DGKB: variants seen among roughly 807,000 people sequenced by gnomAD.
The protein encoded by DGKB is diacylglycerol kinase beta.
Under a neutral mutation model 114.3 loss-of-function variants are expected in DGKB, and 67 were observed. The ratio of observed to expected loss-of-function variants is 0.59; its 90% CI spans 0.48 to 0.72. DGKB has a LOEUF of 0.72. Among genes scored for constraint, DGKB ranks in the 30% least tolerant of loss-of-function variants. The probability of loss-of-function intolerance (pLI) is 0.00; values close to 1 mark genes in which losing one functional copy is unlikely to be tolerated. For missense variants in DGKB, 907 were observed against 975.2 expected, an observed-to-expected ratio of 0.93 and a Z score of 0.93; for synonymous variants, 398 against 323.1, an observed-to-expected ratio of 1.23 and a Z score of -2.49.
At chr7:14,343,304 G>T (rs1382874300) in intron 22 of DGKB, among the ~76,000 whole-genome samples, 1 of 151,628 alleles carries the variant, frequency 6.6e-6, no homozygotes, top group Non-Finnish European at 1.5e-5. Flanking sequence ...AGAGCTAGAA[G>T]GTCAGGCTGA....
chr7:14,196,830 G>A (rs1465075736), intron 23 of DGKB, among the ~76,000 whole-genome samples: 1 of 151,922 alleles, frequency 6.6e-6, no homozygotes, highest in African/African-American at 2.4e-5. Flanking sequence ...ATATAGACAT[G>A]TTGAAGGACT....
At chr7:14,427,302 C>CT (rs1459303235) in intron 21 of DGKB, among the ~76,000 whole-genome samples, 2 of 152,084 alleles carry the variant, frequency 1.3e-5, no homozygotes. Context: ...CCAACAAGTT[C>CT]TTCATCTCCA....
intron 4 of DGKB, among the ~76,000 whole-genome samples, chr7:14,741,312 G>A (rs1396064015): frequency 6.6e-6 from 1 of 152,158 alleles, no homozygotes; most frequent in African/African-American, 2.4e-5. Flanking sequence ...AGGAATGGTA[G>A]GGATATATTC....
intron 21 of DGKB, among the ~76,000 whole-genome samples, chr7:14,371,585 T>C (rs2128654621): frequency 6.6e-6 from 1 of 152,324 alleles, no homozygotes; most frequent in East Asian, 1.9e-4. Context: ...GATGCATAGT[T>C]TGTAAATATT....
chr7:14,242,864 C>CTT (rs1283218926), intron 23 of DGKB, among the ~76,000 whole-genome samples: 34 of 66,416 alleles, frequency 5.1e-4, no homozygotes, highest in African/African-American at 8.1e-4. Context: ...TATATGAAGG[C>CTT]TGTTTTTTTT....
intron 1 of DGKB, among the ~76,000 whole-genome samples, chr7:14,944,497 G>C (rs68188636): frequency 6.6e-6 from 1 of 151,778 alleles, no homozygotes; most frequent in Admixed American, 6.6e-5. Flanking sequence ...AAAATTTTTA[G>C]AGAACTTTTC....
chr7:14,551,932 TAC>T (rs1367659150), intron 20 of DGKB, among the ~76,000 whole-genome samples: 5 of 152,156 alleles, frequency 3.3e-5, no homozygotes, highest in African/African-American at 1.2e-4. Flanking sequence ...TGAAAGATAA[TAC>T]AGATGTTTGT....
At chr7:14,748,163 C>T (rs1396488939) in intron 4 of DGKB, among the ~76,000 whole-genome samples, 1 of 152,092 alleles carries the variant, frequency 6.6e-6, no homozygotes, top group African/African-American at 2.4e-5. Flanking sequence ...CCACTCTGCA[C>T]CAGGCTCTGT....
chr7:14,433,138 G>A (rs910894912), intron 21 of DGKB, among the ~76,000 whole-genome samples: 1 of 152,152 alleles, frequency 6.6e-6, no homozygotes, highest in African/African-American at 2.4e-5. Flanking sequence ...CTCCCTGGGA[G>A]CACGTCGTAT....
rs368540401 is a variant in DGKB, at chr7:14,410,080, A to G, written c.1836-64689T>C. On this transcript the variant is annotated intron_variant, in intron 21 of 25. Coordinates refer to ENST00000402815, the MANE Select transcript of DGKB (RefSeq NM_001350709.2). Reference sequence around the variant, plus strand: ...GAAGTTGGTATCCCTAACTCTTGCAATGTTGAAGGGTCAACTATAAGCCAA... The same window carrying G: ...GAAGTTGGTATCCCTAACTCTTGCAGTGTTGAAGGGTCAACTATAAGCCAA... Among the ~76,000 whole-genome samples the G allele has an allele frequency of 2.0e-4, 31 of 152,130 alleles. No homozygotes were observed. In the East Asian group the frequency reaches 5.6e-3, roughly 27 times the overall value.
chr7:14,850,757 A>G (rs557791769), intron 1 of DGKB, among the ~76,000 whole-genome samples: 64 of 152,310 alleles, frequency 4.2e-4, no homozygotes, highest in Non-Finnish European at 8.5e-4. Context: ...CCAATTGCAT[A>G]TTACTATTCA....
intron 25 of DGKB, among the ~76,000 whole-genome samples, chr7:14,160,546 C>T (rs147263263): frequency 1.8e-4 from 27 of 152,152 alleles, no homozygotes; most frequent in East Asian, 1.2e-3. Context: ...CCTAGGAATA[C>T]GACTTACTTA....
At chr7:14,565,357 C>A (rs1384533936) in intron 20 of DGKB, among the ~76,000 whole-genome samples, 2 of 152,138 alleles carry the variant, frequency 1.3e-5, no homozygotes, top group African/African-American at 4.8e-5. Flanking sequence ...CACAACCACC[C>A]AGTTGACACA....
chr7:14,547,539 T>C (rs1484848427), intron 20 of DGKB, among the ~76,000 whole-genome samples: 4 of 152,194 alleles, frequency 2.6e-5, no homozygotes, highest in African/African-American at 7.2e-5. Context: ...AAGTTAATTA[T>C]AGACTACACA....
intron 5 of DGKB, among the ~76,000 whole-genome samples, chr7:14,731,002 T>C (rs1042557112): frequency 6.6e-6 from 1 of 152,210 alleles, no homozygotes; most frequent in African/African-American, 2.4e-5. Context: ...TGCTAATTGA[T>C]AGTTTATGAT....
At chr7:14,543,719 T>C (rs1793850719) in intron 20 of DGKB, among the ~76,000 whole-genome samples, 3 of 152,272 alleles carry the variant, frequency 2.0e-5, no homozygotes, top group South Asian at 4.1e-4. Flanking sequence ...AGAAACTCAA[T>C]AAATAATAGC....
intron 4 of DGKB, among the ~76,000 whole-genome samples, chr7:14,751,377 G>A (rs141016429): frequency 5.9e-5 from 9 of 152,094 alleles, no homozygotes; most frequent in African/African-American, 9.7e-5. Context: ...AAACTAAGGA[G>A]AGTTACTTGT....
At chr7:14,939,235 G>A (rs536524836) in intron 1 of DGKB, among the ~76,000 whole-genome samples, 1 of 152,176 alleles carries the variant, frequency 6.6e-6, no homozygotes, top group Non-Finnish European at 1.5e-5. Flanking sequence ...TATTGTATAT[G>A]TTTTATAAGT....
intron 2 of DGKB, among the ~76,000 whole-genome samples, chr7:14,827,419 G>GGAGA (rs368228854): frequency 1.6e-4 from 24 of 149,734 alleles, no homozygotes; most frequent in African/African-American, 2.4e-4. Context: ...AGAAAGACAG[G>GGAGA]GAGAGAGAGA....
Sources: allele counts gnomAD v4.1 joint callset (sites outside exome capture counted in the v4.1 genomes callset), GRCh38; gene constraint gnomAD v4.1.1; transcripts MANE v1.5; gene names NCBI Gene and HGNC (gene_info 2026-07-23, HGNC 2026-07-21).